The following DGLUCY variants were observed in gnomAD, a reference collection of about 807,000 sequenced individuals.
DGLUCY encodes D-glutamate cyclase, mitochondrial.
Under a neutral mutation model 58.5 loss-of-function variants are expected in DGLUCY, and 58 were observed. The observed-to-expected ratio is 0.99, with a 90% confidence interval of 0.80 to 1.23. The LOEUF (loss-of-function observed/expected upper bound fraction) is 1.23, where lower values mean the gene tolerates loss of function less well. Among genes scored for constraint, DGLUCY ranks in the 50% most tolerant of loss-of-function variants. The probability of loss-of-function intolerance (pLI) is 0.00; values close to 1 mark genes in which losing one functional copy is unlikely to be tolerated. For missense variants in DGLUCY, 779 were observed against 784.7 expected, an observed-to-expected ratio of 0.99 and a Z score of 0.09; for synonymous variants, 325 against 314.1, an observed-to-expected ratio of 1.03 and a Z score of -0.37.
chr14:91,130,104 C>G (rs2045946094), intron 1 of DGLUCY, among the ~76,000 whole-genome samples: 1 of 152,176 alleles, frequency 6.6e-6, no homozygotes, highest in Admixed American at 6.5e-5. Flanking sequence ...GGTGCTTCCA[C>G]TCTATGGGAT....
intron 1 of DGLUCY, among the ~76,000 whole-genome samples, chr14:91,089,689 C>G (rs1307214665): frequency 6.6e-6 from 1 of 151,762 alleles, no homozygotes; most frequent in Non-Finnish European, 1.5e-5. Context: ...GGCATAGTGG[C>G]GCATGCCTAT....
intron 1 of DGLUCY, among the ~76,000 whole-genome samples, chr14:91,118,839 C>A (rs931452274): frequency 2.6e-5 from 4 of 152,062 alleles, no homozygotes; most frequent in African/African-American, 9.7e-5. Context: ...TCAGTGGGGC[C>A]AGGCACGGTG....
intron 1 of DGLUCY, among the ~76,000 whole-genome samples, chr14:91,086,403 A>G (rs2044221149): frequency 6.6e-6 from 1 of 152,216 alleles, no homozygotes; most frequent in Non-Finnish European, 1.5e-5. Flanking sequence ...GCTGCCTTAC[A>G]AGATATGGTG....
At chr14:91,175,794 C>T (rs889573794) in intron 6 of DGLUCY, 140 bp from the exon 7 acceptor site, 14 of 955,738 alleles carry the variant, frequency 1.5e-5, no homozygotes, top group Non-Finnish European at 2.0e-5. Flanking sequence ...CCCTATTCTC[C>T]TTCACCTCTT....
Position 91,204,731 on chromosome 14 carries a change from T to C in DGLUCY, c.1470T>C (p.Leu490=), listed in dbSNP as rs201859863. The change falls in exon 12 of 14, where the codon CTT becomes CTC. Residue 490 remains leucine, a synonymous_variant. Coordinates refer to ENST00000256324, the MANE Select transcript of DGLUCY (RefSeq NM_001102368.3). The part of the protein sequence containing the change: ...STGVGDGGNE[L]GMGKVKEAVR... ...GAGTCGGTGATGGAGGCAACGAGCT[T>C]GGGATGGGTAAAGTCAAGGAGGCTG... is the stretch of plus-strand genomic sequence containing the variant. 4 of 1,613,802 alleles carry C rather than the reference T, an allele frequency of 2.5e-6. No individual in the cohort carries two copies. The highest frequency in any genetic ancestry group is 2.5e-6 in the Non-Finnish European group (3 of 1,179,956).
At chr14:91,193,700 C>T (rs10137483) in intron 9 of DGLUCY, among the ~76,000 whole-genome samples, 38,241 of 151,800 alleles carry the variant, frequency 0.25, 5,033 homozygotes, top group Non-Finnish European at 0.27. Context: ...AAATTAGCTG[C>T]GTGTGGTGGC....
intron 1 of DGLUCY, among the ~76,000 whole-genome samples, chr14:91,155,314 CTG>C (rs1387216973): frequency 1.3e-5 from 2 of 152,172 alleles, no homozygotes; most frequent in Admixed American, 6.5e-5. Flanking sequence ...ACAGCGCTAA[CTG>C]TGAACCGGCC....
intron 10 of DGLUCY, among the ~76,000 whole-genome samples, chr14:91,196,958 G>A (rs543122859): frequency 1.3e-5 from 2 of 151,932 alleles, no homozygotes; most frequent in Non-Finnish European, 2.9e-5. Context: ...GTGTGTTATG[G>A]TCAAACTTTT....
At chr14:91,086,356 G>A (rs145400457) in intron 1 of DGLUCY, among the ~76,000 whole-genome samples, 183 of 152,246 alleles carry the variant, frequency 1.2e-3, no homozygotes, top group African/African-American at 3.8e-3. Flanking sequence ...ATGGTCTTCC[G>A]TGAAACTTGT....
intron 7 of DGLUCY, among the ~76,000 whole-genome samples, chr14:91,176,310 C>T (rs2048850952): frequency 6.6e-6 from 1 of 152,118 alleles, no homozygotes; most frequent in Non-Finnish European, 1.5e-5. Flanking sequence ...ACTGCAACCT[C>T]CAGCTCCCTG....
At chr14:91,132,632 C>A (rs1002573326) in intron 1 of DGLUCY, among the ~76,000 whole-genome samples, 2 of 152,158 alleles carry the variant, frequency 1.3e-5, no homozygotes, top group Non-Finnish European at 2.9e-5. Flanking sequence ...GCGCCCGCCA[C>A]TGCGCCCGGC....
intron 1 of DGLUCY, among the ~76,000 whole-genome samples, chr14:91,127,735 A>G (rs1192957646): frequency 6.6e-6 from 1 of 152,208 alleles, no homozygotes; most frequent in Non-Finnish European, 1.5e-5. Context: ...GACTTTTGCA[A>G]TCCTGAAATA....
intron 10 of DGLUCY, among the ~76,000 whole-genome samples, chr14:91,199,293 T>G (rs928186198): frequency 6.6e-6 from 1 of 151,516 alleles, no homozygotes; most frequent in Non-Finnish European, 1.5e-5. Context: ...AGAGTCTTAC[T>G]CTGTCGCCCA....
intron 12 of DGLUCY, among the ~76,000 whole-genome samples, chr14:91,209,798 G>T (rs1885382153): frequency 6.6e-6 from 1 of 152,140 alleles, no homozygotes. Flanking sequence ...TAACTGTAAA[G>T]ACACTATATG....
chr14:91,178,750 G>T (rs947142379), intron 7 of DGLUCY, among the ~76,000 whole-genome samples: 1 of 152,156 alleles, frequency 6.6e-6, no homozygotes, highest in African/African-American at 2.4e-5. Context: ...GAAACTTTAA[G>T]CCAAGTGTGG....
intron 1 of DGLUCY, among the ~76,000 whole-genome samples, chr14:91,077,964 T>C (rs2044058160): frequency 6.6e-6 from 1 of 152,160 alleles, no homozygotes; most frequent in Non-Finnish European, 1.5e-5. Context: ...ACAAACAGAC[T>C]CTGCTTGTAG....
intron 10 of DGLUCY, among the ~76,000 whole-genome samples, chr14:91,197,301 C>T (rs1185190368): frequency 2.0e-5 from 3 of 152,104 alleles, no homozygotes; most frequent in Non-Finnish European, 2.9e-5. Flanking sequence ...GACGGGGTTT[C>T]GCCATGTTGG....
intron 1 of DGLUCY, among the ~76,000 whole-genome samples, chr14:91,149,515 A>G (rs2047198381): frequency 6.6e-6 from 1 of 152,206 alleles, no homozygotes; most frequent in African/African-American, 2.4e-5. Context: ...AAACATCCTT[A>G]AAGGAACTGC....
intron 1 of DGLUCY, among the ~76,000 whole-genome samples, chr14:91,082,623 C>T (rs2044145693): frequency 6.6e-6 from 1 of 152,146 alleles, no homozygotes; most frequent in South Asian, 2.1e-4. Flanking sequence ...TAATTGCAAG[C>T]CTCTTCCTTT....
Sources: gnomAD v4.1 joint callset for allele counts (sites outside exome capture counted in the v4.1 genomes callset) on GRCh38, gnomAD v4.1.1 for gene constraint, MANE v1.5 for transcripts, NCBI Gene and HGNC (gene_info 2026-07-23, HGNC 2026-07-21) for gene names.